The following IL2RB variants were observed in gnomAD, a reference collection of about 807,000 sequenced individuals.
The protein encoded by IL2RB is interleukin 2 receptor subunit beta.
In IL2RB, 17 loss-of-function variants were observed where a neutral mutation model predicts 44.2. The ratio of observed to expected loss-of-function variants is 0.38; its 90% CI spans 0.26 to 0.58. The LOEUF (loss-of-function observed/expected upper bound fraction) is 0.58, where lower values mean the gene tolerates loss of function less well. Among genes scored for constraint, IL2RB ranks in the 20% least tolerant of loss-of-function variants. IL2RB has a pLI of 0.63. For synonymous variants in IL2RB, 286 were observed against 297.9 expected (o/e 0.96, Z 0.41); for missense variants, 624 against 685.5 (o/e 0.91, Z 1.00).
chr22:37,161,097 G>A (rs548892287), intron 1 of IL2RB, among the ~76,000 whole-genome samples: 9 of 152,318 alleles, frequency 5.9e-5, no homozygotes, highest in Non-Finnish European at 8.8e-5. Context: ...AGCCAAGATC[G>A]TGCCACTGCA....
At chr22:37,131,368 A>C (rs370135142) in intron 9 of IL2RB, among the ~76,000 whole-genome samples, 6,651 of 150,360 alleles carry the variant, frequency 0.044, 218 homozygotes, top group East Asian at 0.12. Flanking sequence ...CCTCATCCCC[A>C]CCCCCCAATC....
chr22:37,143,768 G>T (rs1922087953), intron 2 of IL2RB, 133 bp from the exon 3 acceptor site: 4 of 703,488 alleles, frequency 5.7e-6, no homozygotes, highest in Non-Finnish European at 1.0e-5. Flanking sequence ...GCGGAGAAGG[G>T]ATTCATGGAC....
At chr22:37,169,398 T>A (rs1043095167) in intron 1 of IL2RB, among the ~76,000 whole-genome samples, 1 of 151,968 alleles carries the variant, frequency 6.6e-6, no homozygotes, top group Non-Finnish European at 1.5e-5. Flanking sequence ...TTACAGAGGG[T>A]TCTTGCTTAC....
chr22:37,155,705 C>A (rs1472521067), intron 1 of IL2RB, among the ~76,000 whole-genome samples: 2 of 152,222 alleles, frequency 1.3e-5, no homozygotes, highest in African/African-American at 2.4e-5. Flanking sequence ...CCTGACAGAG[C>A]CCACTCGGGC....
Position 37,137,596 on chromosome 22 carries a change from G to T in IL2RB, c.528C>A (p.His176Gln). ...EFEARTLSPG[H>Q]TWEEAPLLTL... ...TGGGCCACATTCTCACCTCCCAGGT[G>T]TGGCCTGGGGACAGCGTCCGGGCCT... The change falls in exon 6 of 10, where the codon CAC (histidine) becomes CAA (glutamine). Residue 176 changes from histidine to glutamine, a missense_variant. This residue lies in a region of IL2RB where 255 missense variants were observed against 339.9 expected (regional missense o/e 0.75). Transcript: ENST00000216223. 1 of 1,614,114 alleles carries T rather than the reference G, an allele frequency of 6.2e-7. No homozygotes were observed.
At chr22:37,140,353 C>T (rs1921905768) in intron 4 of IL2RB, among the ~76,000 whole-genome samples, 1 of 151,072 alleles carries the variant, frequency 6.6e-6, no homozygotes, top group South Asian at 2.1e-4. Context: ...AAAAATATTG[C>T]CAATCATACA....
chr22:37,159,281 A>C (rs1922778971), intron 1 of IL2RB, among the ~76,000 whole-genome samples: 1 of 152,122 alleles, frequency 6.6e-6, no homozygotes, highest in Non-Finnish European at 1.5e-5. Flanking sequence ...AAAAATTAAA[A>C]TGTCCCTCTA....
rs1244275084 is a variant in IL2RB, at chr22:37,137,687, T to C, written c.437A>G (p.His146Arg). 5 of 1,613,950 alleles carry C rather than the reference T, an allele frequency of 3.1e-6. No homozygotes were observed. The highest frequency in any genetic ancestry group is 1.3e-5 in the African/African-American group (1 of 74,892). Residue 146 changes from histidine (H) to arginine (R), a missense_variant, in exon 6 of 10, where the codon CAC (histidine) becomes CGC (arginine). His to Arg is a conservative substitution (Grantham distance 29). This residue lies in a region of IL2RB where 255 missense variants were observed against 339.9 expected (regional missense o/e 0.75). Transcript: ENST00000216223. ...ISLQVVHVET[H>R]RCNISWEISQ... is the part of the protein sequence containing the mutation. ...GATTTCCCAGCTTATGTTGCATCTGTGGGTCTCCACGTGGACAACTTGGAG... is the reference window on the plus strand; with the variant it reads ...GATTTCCCAGCTTATGTTGCATCTGCGGGTCTCCACGTGGACAACTTGGAG...
At chr22:37,154,297 A>T (rs1361689924), upstream of IL2RB, among the ~76,000 whole-genome samples, 3 of 152,132 alleles carry the variant, frequency 2.0e-5, no homozygotes, top group Admixed American at 6.5e-5. Context: ...CTACGCAGAG[A>T]ATGATTCTCC....
chr22:37,151,833 G>T (rs888350071), upstream of IL2RB, among the ~76,000 whole-genome samples: 2 of 152,132 alleles, frequency 1.3e-5, no homozygotes, highest in African/African-American at 4.8e-5. Context: ...TTCCCCAAAG[G>T]TATGTTTTTG....
intron 1 of IL2RB, among the ~76,000 whole-genome samples, chr22:37,159,582 C>T (rs912065272): frequency 2.0e-5 from 3 of 152,210 alleles, no homozygotes; most frequent in African/African-American, 7.2e-5. Flanking sequence ...TGGTCTCTGC[C>T]TCTTGGAGTC....
intron 1 of IL2RB, among the ~76,000 whole-genome samples, chr22:37,165,418 G>A (rs1009186823): frequency 2.0e-5 from 3 of 152,294 alleles, no homozygotes; most frequent in Non-Finnish European, 4.4e-5. Context: ...GGCATGGAAG[G>A]TAGGAACACC....
rs970988297 is a variant in IL2RB at position 37,126,467 on chromosome 22, A to T, written c.*1629T>A. 4 of 152,086 alleles carry T rather than the reference A, an allele frequency of 2.6e-5. No homozygotes were observed. The highest frequency in any genetic ancestry group is 5.9e-5 in the Non-Finnish European group (4 of 68,002). 9.4% of individuals were successfully genotyped at this position (152,086 alleles called of 1,614,324 possible). A position where few individuals can be genotyped will look rare whatever the true frequency, so the allele number is the denominator to read the frequency against. The stretch of plus-strand genomic sequence containing the variant: ...TCAACGCTTGTGGAGCCTTGTCCAC[A>T]AGCACCTGCTCCCAAGGGCCTCCCT... On this transcript the variant is annotated 3_prime_UTR_variant, in exon 10 of 10. Transcript: ENST00000216223.
chr22:37,144,595 A>C (rs1172182827), intron 1 of IL2RB, among the ~76,000 whole-genome samples: 2 of 152,102 alleles, frequency 1.3e-5, no homozygotes, highest in East Asian at 3.9e-4. Context: ...AAATACAAAA[A>C]TTAGCCGGGC....
intron 5 of IL2RB, 188 bp downstream of exon 5, chr22:37,138,929 T>C (rs1007989394): frequency 1.6e-5 from 9 of 572,288 alleles, no homozygotes; most frequent in African/African-American, 1.5e-4. Context: ...CAGGGCTGGA[T>C]CCTGAGCGGC....
Position 37,128,972 on chromosome 22 carries a change from T to C in IL2RB, c.904-124A>G. On this transcript the variant is annotated intron_variant, in intron 9 of 9. Transcript: ENST00000216223. This position sits in a 1 kb window ranked among gnomAD's most constrained non-coding sequence, Gnocchi z 4.5. ...AAGCAGTTGGCCCAGGGCTGCCCCA[T>C]CCAGGAAGCTCTCCCTGATTATAGC... The C allele has an allele frequency of 8.7e-7, 1 of 1,151,506 alleles. No homozygotes were observed. The highest frequency in any genetic ancestry group is 1.2e-6 in the Non-Finnish European group (1 of 839,388). 71.3% of individuals were successfully genotyped at this position (1,151,506 alleles called of 1,614,324 possible). A position where few individuals can be genotyped will look rare whatever the true frequency, so the allele number is the denominator to read the frequency against.
chr22:37,145,719 G>A (rs533818999), intron 1 of IL2RB, among the ~76,000 whole-genome samples: 1 of 152,096 alleles, frequency 6.6e-6, no homozygotes, highest in Non-Finnish European at 1.5e-5. Flanking sequence ...AGTCAGAGGG[G>A]CAGGGGGAGA....
intron 1 of IL2RB, among the ~76,000 whole-genome samples, chr22:37,164,500 AG>A (rs1922999454): frequency 8.8e-5 from 1 of 11,370 alleles, no homozygotes; most frequent in African/African-American, 3.6e-4. Context: ...GGTGGTGGGC[AG>A]GGGGGATGGT....
In IL2RB at chr22:37,144,203, G is replaced by A; in HGVS notation, c.-31C>T. ...CCACAGGGTGGAGCCGAGGAAGGAA[G>A]CCCTGGTGGGAGAGGAGAAAGAGAG... is the stretch of plus-strand genomic sequence containing the variant. On this transcript the variant is annotated splice_region_variant and 5_prime_UTR_variant, in exon 2 of 10. Coordinates refer to ENST00000216223, the MANE Select transcript of IL2RB (RefSeq NM_000878.5). 9.1e-6 allele frequency: 14 copies of A among 1,544,960 alleles called. No homozygotes were observed. Among genetic ancestry groups the A allele is most frequent in the Non-Finnish European group, 1.2e-5 (14 of 1,143,878 alleles).
Sources: allele counts gnomAD v4.1 joint callset (sites outside exome capture counted in the v4.1 genomes callset), GRCh38; gene constraint gnomAD v4.1.1; regional missense constraint gnomAD v4.1.1; non-coding constraint Gnocchi (gnomAD v3.1); transcripts MANE v1.5; gene names NCBI Gene and HGNC (gene_info 2026-07-23, HGNC 2026-07-21).